Variants in SLC9A1 observed in about 807,000 individuals in gnomAD.
The protein encoded by SLC9A1 is solute carrier family 9 member A1.
In SLC9A1, 22 loss-of-function variants were observed where a neutral mutation model predicts 67.9. That is an observed-to-expected ratio of 0.32 (90% CI 0.23 to 0.46). SLC9A1 has a LOEUF of 0.46. Ranked by LOEUF, SLC9A1 falls within the 20% of genes least tolerant of loss-of-function variation. SLC9A1 has a pLI of 1.00. For missense variants in SLC9A1, 686 were observed against 1,094.8 expected, an observed-to-expected ratio of 0.63 and a Z score of 5.27; for synonymous variants, 421 against 471.8, an observed-to-expected ratio of 0.89 and a Z score of 1.40.
chr1:27,105,563 C>T, intron 5 of SLC9A1: 1 of 625,888 alleles, frequency 1.6e-6, no homozygotes, highest in Non-Finnish European at 2.9e-6. Context: ...TCCCAAAGTG[C>T]TGGGATTACA....
intron 1 of SLC9A1, among the ~76,000 whole-genome samples, chr1:27,127,977 T>C (rs1422447705): frequency 6.6e-6 from 1 of 152,180 alleles, no homozygotes; most frequent in Non-Finnish European, 1.5e-5. Context: ...AGTCTCTCCA[T>C]CCTTGGGGGC....
chr1:27,120,122 T>G (rs1016830735), intron 1 of SLC9A1, among the ~76,000 whole-genome samples: 4 of 151,426 alleles, frequency 2.6e-5, no homozygotes, highest in Admixed American at 2.6e-4. Context: ...TGGGAGGTTT[T>G]TTTTGTTTTG....
rs373292370 is a variant in SLC9A1, at chr1:27,100,656, G to A, written c.2111-12C>T. On this transcript the variant is annotated splice_polypyrimidine_tract_variant and intron_variant, in intron 11 of 11. Transcript: ENST00000263980. This position sits in a 1 kb window ranked among gnomAD's most constrained non-coding sequence, Gnocchi z 5.6. Reference sequence around the variant, plus strand: ...ATAGGCCAGTGGGTCTGGGGACCAAGAGCAAGGCACAAGCTGGGTTCCGCT... The same window carrying A: ...ATAGGCCAGTGGGTCTGGGGACCAAAAGCAAGGCACAAGCTGGGTTCCGCT... 12 of 1,589,714 alleles carry A rather than the reference G, an allele frequency of 7.5e-6. No individual in the cohort carries two copies. The African/African-American group carries it at 1.3e-4, about 18-fold the overall frequency.
chr1:27,136,651 G>C (rs924263924), intron 1 of SLC9A1, among the ~76,000 whole-genome samples: 1 of 152,010 alleles, frequency 6.6e-6, no homozygotes, highest in African/African-American at 2.4e-5. Context: ...TGCTTGGCAC[G>C]GATACCCCTC....
intron 2 of SLC9A1, among the ~76,000 whole-genome samples, chr1:27,111,938 C>T (rs193299312): frequency 2.0e-5 from 3 of 152,356 alleles, no homozygotes; most frequent in Non-Finnish European, 4.4e-5. Context: ...ATGGCTGGGT[C>T]TGTTACCTGC....
intron 1 of SLC9A1, among the ~76,000 whole-genome samples, chr1:27,136,431 C>T (rs1053240430): frequency 6.6e-6 from 1 of 152,246 alleles, no homozygotes; most frequent in African/African-American, 2.4e-5. Flanking sequence ...GCCCCGCCCA[C>T]TGGGCCACAC....
At chr1:27,152,681 C>T (rs182449276) in intron 1 of SLC9A1, among the ~76,000 whole-genome samples, 297 of 152,276 alleles carry the variant, frequency 2.0e-3, no homozygotes, top group African/African-American at 6.8e-3. Context: ...GGCTTAGTTC[C>T]ATGTAAGGCT....
chr1:27,154,183 G>A lies in SLC9A1; in HGVS notation c.152C>T (p.Pro51Leu). Residue 51 changes from proline to leucine, a missense_variant, in exon 1 of 12, where the codon CCA becomes CTA. Physicochemically the swap from Pro to Leu is moderately conservative, Grantham distance 98 (BLOSUM62 -3). Transcript: ENST00000263980. ...PTASTIRSSEPPRERSIGDVT... is the reference protein window; with the variant it reads ...PTASTIRSSELPRERSIGDVT... Reference sequence around the variant, plus strand: ...ATCCCCAATCGAGCGTTCTCGTGGTGGCTCTGAGCTTCGAATGGTGCTGGC... The same window carrying A: ...ATCCCCAATCGAGCGTTCTCGTGGTAGCTCTGAGCTTCGAATGGTGCTGGC... The A allele has an allele frequency of 6.2e-7, 1 of 1,614,158 alleles. No homozygotes were observed. Among genetic ancestry groups the A allele is most frequent in the South Asian group, 1.1e-5 (1 of 91,078 alleles).
In SLC9A1 at chr1:27,109,887, A is replaced by C; in HGVS notation, c.814-110T>G. ...CCCTCCGTTAACCATGGCCACAAGA[A>C]GAGGCCACACGGTAGCAGAGAAACC... On this transcript the variant is annotated intron_variant, in intron 2 of 11. Transcript: ENST00000263980. The surrounding 1 kb of genome is among the most constrained non-coding windows in gnomAD (Gnocchi z 5.5). 7.9e-7 allele frequency: 1 copy of C among 1,260,984 alleles called. No individual in the cohort carries two copies. Among genetic ancestry groups the C allele is most frequent in the South Asian group, 1.4e-5 (1 of 73,818 alleles). The allele number at this position is 1,260,984 out of a possible 1,614,324, so 78.1% of individuals were successfully genotyped here.
intron 1 of SLC9A1, among the ~76,000 whole-genome samples, chr1:27,117,635 G>T (rs143129924): frequency 6.6e-6 from 1 of 152,072 alleles, no homozygotes; most frequent in East Asian, 1.9e-4. Flanking sequence ...GTCTGAGGGC[G>T]TCCCATGAGC....
At chr1:27,144,063 A>G (rs1331602573) in intron 1 of SLC9A1, among the ~76,000 whole-genome samples, 1 of 152,164 alleles carries the variant, frequency 6.6e-6, no homozygotes, top group African/African-American at 2.4e-5. Context: ...CATATTATAA[A>G]AATAAATCTG....
At chr1:27,152,850 C>T (rs1160523333) in intron 1 of SLC9A1, among the ~76,000 whole-genome samples, 1 of 152,182 alleles carries the variant, frequency 6.6e-6, no homozygotes, top group Non-Finnish European at 1.5e-5. Flanking sequence ...CTTGGGAGAG[C>T]TGGAAGGTTT....
At position 27,102,453 on chromosome 1, in the gene SLC9A1, C is replaced by T; in HGVS notation, c.1752G>A (p.Gln584=). ...CCCCGCTCTCCACCAGCTCGATGGC[C>T]TGCTTCATCTCCATCTTGTGGTAGA... is the stretch of plus-strand genomic sequence containing the variant. ...IAFYHKMEMK[Q]AIELVESGGM... Residue 584 remains glutamine, a synonymous_variant, in exon 8 of 12, where the codon CAG becomes CAA. Coordinates refer to ENST00000263980, the MANE Select transcript of SLC9A1 (RefSeq NM_003047.5). 3 of 1,611,110 alleles carry T rather than the reference C, an allele frequency of 1.9e-6. No individual in the cohort carries two copies. The highest frequency in any genetic ancestry group is 2.5e-6 in the Non-Finnish European group (3 of 1,178,052).
chr1:27,154,404 G>A lies in SLC9A1; in HGVS notation c.-70C>T. On this transcript the variant is annotated 5_prime_UTR_variant, in exon 1 of 12. Transcript: ENST00000263980. ...AAAACCGGGCACATAGGTAGCAAAG[G>A]GTCAGCAAGTGGGAAGAGAGACTGG... The A allele has an allele frequency of 2.0e-6, 2 of 986,556 alleles. No individual in the cohort carries two copies. Among genetic ancestry groups the A allele is most frequent in the South Asian group, 3.5e-5 (2 of 56,478 alleles). 61.1% of individuals were successfully genotyped at this position (986,556 alleles called of 1,614,324 possible). A position where few individuals can be genotyped will look rare whatever the true frequency, so the allele number is the denominator to read the frequency against.
At chr1:27,130,488 T>A (rs1382882263) in intron 1 of SLC9A1, among the ~76,000 whole-genome samples, 1 of 152,162 alleles carries the variant, frequency 6.6e-6, no homozygotes, top group South Asian at 2.1e-4. Flanking sequence ...CAGGAGCTAT[T>A]TGGCACCCTA....
chr1:27,114,310 G>C lies in SLC9A1; in HGVS notation c.353-24C>G. The C allele has an allele frequency of 6.3e-7, 1 of 1,584,506 alleles. No individual in the cohort carries two copies. The highest frequency in any genetic ancestry group is 2.3e-5 in the East Asian group (1 of 44,422). Reference sequence around the variant, plus strand: ...ACCTGCGGAGGGCGAGAGAACGGGAGGCCATGGGCTTTCGGAGGAGCCAGG... The same window carrying C: ...ACCTGCGGAGGGCGAGAGAACGGGACGCCATGGGCTTTCGGAGGAGCCAGG... On this transcript the variant is annotated intron_variant, in intron 1 of 11. Transcript: ENST00000263980. The surrounding 1 kb of genome is among the most constrained non-coding windows in gnomAD (Gnocchi z 5.4).
chr1:27,130,353 C>T (rs776638004), intron 1 of SLC9A1, among the ~76,000 whole-genome samples: 38 of 152,194 alleles, frequency 2.5e-4, no homozygotes, highest in Non-Finnish European at 4.9e-4. Context: ...CCGCCTGCCT[C>T]GGCCTCCCAA....
intron 1 of SLC9A1, among the ~76,000 whole-genome samples, chr1:27,116,886 C>T (rs182976025): frequency 2.0e-5 from 3 of 152,308 alleles, no homozygotes; most frequent in East Asian, 3.9e-4. Context: ...TGCCAATCTT[C>T]ACCTAGTCTA....
At chr1:27,113,136 G>GT (rs2083242327) in intron 2 of SLC9A1, among the ~76,000 whole-genome samples, 1 of 152,088 alleles carries the variant, frequency 6.6e-6, no homozygotes, top group Admixed American at 6.6e-5. Context: ...CACAGAGAGT[G>GT]TAAGTAATTT....
Sources: allele counts gnomAD v4.1 joint callset (sites outside exome capture counted in the v4.1 genomes callset), GRCh38; gene constraint gnomAD v4.1.1; non-coding constraint Gnocchi (gnomAD v3.1); transcripts MANE v1.5; gene names NCBI Gene and HGNC (gene_info 2026-07-23, HGNC 2026-07-21).